MDGA2: variants seen among roughly 807,000 people sequenced by gnomAD.
The protein encoded by MDGA2 is MAM domain-containing glycosylphosphatidylinositol anchor protein 2.
In MDGA2, 40 loss-of-function variants were observed where a neutral mutation model predicts 117.8. That is an observed-to-expected ratio of 0.34 (90% CI 0.26 to 0.44). The LOEUF (loss-of-function observed/expected upper bound fraction) is 0.44. Ranked by LOEUF, MDGA2 falls within the 20% of genes least tolerant of loss-of-function variation. MDGA2 has a pLI of 1.00. For missense variants in MDGA2, 1,123 were observed against 1,250.6 expected (o/e 0.90, Z 1.54); for synonymous variants, 452 against 439.0 (o/e 1.03, Z -0.37).
At chr14:46,979,172 T>G (rs1195082938) in intron 8 of MDGA2, among the ~76,000 whole-genome samples, 1 of 152,114 alleles carries the variant, frequency 6.6e-6, no homozygotes, top group Non-Finnish European at 1.5e-5. Context: ...TTCAGTGATC[T>G]TACTATTGTT....
chr14:47,531,516 T>C (rs2138733405), intron 1 of MDGA2, among the ~76,000 whole-genome samples: 1 of 152,338 alleles, frequency 6.6e-6, no homozygotes, highest in East Asian at 1.9e-4. Context: ...ATATGTGACT[T>C]AACCTATCTG....
intron 1 of MDGA2, among the ~76,000 whole-genome samples, chr14:47,465,017 G>A (rs1177189404): frequency 6.6e-6 from 1 of 152,056 alleles, no homozygotes; most frequent in African/African-American, 2.4e-5. Context: ...TACATGAATG[G>A]AACAGAATAG....
In MDGA2 at chr14:47,473,928, G is replaced by A. The variant is rs568595183; in HGVS notation, c.281-172378C>T. On this transcript the variant is annotated intron_variant, in intron 1 of 16. Coordinates refer to ENST00000399232, the MANE Select transcript of MDGA2 (RefSeq NM_001113498.3). The stretch of plus-strand genomic sequence containing the variant: ...CCCCTTGAAAACTTGCACAAGACAA[G>A]TATGCCCTCTCTCACCACTCCTATT... Among the ~76,000 whole-genome samples the A allele has an allele frequency of 3.3e-5, 5 of 152,312 alleles. No homozygotes were observed. In the South Asian group the frequency reaches 8.3e-4, roughly 25 times the overall value.
intron 6 of MDGA2, among the ~76,000 whole-genome samples, chr14:47,088,609 T>TA (rs1368674816): frequency 2.0e-5 from 3 of 152,196 alleles, no homozygotes; most frequent in African/African-American, 7.2e-5. Context: ...ATATGGGCTA[T>TA]ATTTGATCAA....
chr14:47,248,257 G>A (rs1387956712), intron 2 of MDGA2, among the ~76,000 whole-genome samples: 1 of 151,342 alleles, frequency 6.6e-6, no homozygotes, highest in Non-Finnish European at 1.5e-5. Flanking sequence ...GAGTAGGAGA[G>A]TAAAAAGGAT....
At chr14:46,847,435 C>T (rs1052650213) in intron 15 of MDGA2, among the ~76,000 whole-genome samples, 7 of 151,952 alleles carry the variant, frequency 4.6e-5, no homozygotes, top group African/African-American at 1.2e-4. Context: ...ACCAAGTTAG[C>T]AGTTTAGCAA....
intron 1 of MDGA2, among the ~76,000 whole-genome samples, chr14:47,347,512 AAGG>A (rs1399895191): frequency 1.3e-5 from 2 of 152,320 alleles, no homozygotes; most frequent in Non-Finnish European, 2.9e-5. Flanking sequence ...AGATGACTCT[AAGG>A]TATCTGTCTC....
intron 1 of MDGA2, among the ~76,000 whole-genome samples, chr14:47,556,096 C>A (rs571918651): frequency 6.6e-6 from 1 of 152,292 alleles, no homozygotes; most frequent in South Asian, 2.1e-4. Context: ...TTTGCTCAAG[C>A]TTTTCTGGCT....
intron 1 of MDGA2, among the ~76,000 whole-genome samples, chr14:47,553,489 A>G (rs1467421395): frequency 6.6e-6 from 1 of 152,146 alleles, no homozygotes; most frequent in Non-Finnish European, 1.5e-5. Context: ...TATTTATTTA[A>G]TGTTTAAATA....
At chr14:47,353,906 C>A (rs1566751516) in intron 1 of MDGA2, among the ~76,000 whole-genome samples, 2 of 152,140 alleles carry the variant, frequency 1.3e-5, no homozygotes, top group African/African-American at 2.4e-5. Context: ...AAATCCTCAA[C>A]AGAATACTAG....
intron 6 of MDGA2, among the ~76,000 whole-genome samples, chr14:47,070,454 T>TGA (rs1890240350): frequency 1.3e-5 from 2 of 152,202 alleles, no homozygotes; most frequent in Admixed American, 1.3e-4. Context: ...TTGAAGTTCC[T>TGA]GAGACATTGC....
intron 1 of MDGA2, among the ~76,000 whole-genome samples, chr14:47,569,446 G>A (rs979452090): frequency 6.6e-6 from 1 of 152,124 alleles, no homozygotes; most frequent in African/African-American, 2.4e-5. Context: ...TACATTTCGT[G>A]ATTGGGGAAC....
At chr14:47,225,624 G>T (rs1243410886) in intron 2 of MDGA2, among the ~76,000 whole-genome samples, 1 of 150,338 alleles carries the variant, frequency 6.7e-6, no homozygotes, top group East Asian at 2.0e-4. Flanking sequence ...AGAACACGTG[G>T]ACACAGGAAG....
At chr14:47,162,829 T>A (rs1473031023) in intron 3 of MDGA2, among the ~76,000 whole-genome samples, 1 of 150,372 alleles carries the variant, frequency 6.7e-6, no homozygotes, top group Non-Finnish European at 1.5e-5. Flanking sequence ...TGATCCCCAT[T>A]TCCAATTTTT....
chr14:47,339,663 A>C (rs1890562168), intron 1 of MDGA2, among the ~76,000 whole-genome samples: 1 of 152,088 alleles, frequency 6.6e-6, no homozygotes, highest in Admixed American at 6.6e-5. Context: ...TTTCACCATG[A>C]GTGGAAACAG....
intron 4 of MDGA2, among the ~76,000 whole-genome samples, chr14:47,139,621 A>G (rs1241774692): frequency 2.0e-5 from 3 of 151,602 alleles, no homozygotes; most frequent in African/African-American, 7.3e-5. Flanking sequence ...AAAAATTAAA[A>G]TATTATTGAA....
chr14:47,256,810 A>T (rs1887635332), intron 2 of MDGA2, among the ~76,000 whole-genome samples: 1 of 151,932 alleles, frequency 6.6e-6, no homozygotes, highest in African/African-American at 2.4e-5. Flanking sequence ...AGAAAGAGAG[A>T]AGGAAGGAAG....
intron 10 of MDGA2, among the ~76,000 whole-genome samples, chr14:46,905,494 AT>A (rs1883454107): frequency 6.6e-6 from 1 of 152,292 alleles, no homozygotes; most frequent in African/African-American, 2.4e-5. Context: ...TTGTGGTATT[AT>A]GCATATGCAC....
chr14:46,847,347 A>G (rs1211621209), intron 15 of MDGA2, among the ~76,000 whole-genome samples: 1 of 152,128 alleles, frequency 6.6e-6, no homozygotes, highest in Non-Finnish European at 1.5e-5. Context: ...CTCCAAAGCC[A>G]TCTCTTTGAA....
Sources: allele counts gnomAD v4.1 joint callset (sites outside exome capture counted in the v4.1 genomes callset), GRCh38; gene constraint gnomAD v4.1.1; transcripts MANE v1.5; gene names NCBI Gene and HGNC (gene_info 2026-07-23, HGNC 2026-07-21).